MRPL3: variants seen among roughly 807,000 people sequenced by gnomAD.
MRPL3 encodes mitochondrial ribosomal protein L3.
Under a neutral mutation model 44.3 loss-of-function variants are expected in MRPL3, and 43 were observed. The observed-to-expected ratio is 0.97, with a 90% CI of 0.76 to 1.25. The LOEUF (loss-of-function observed/expected upper bound fraction) is 1.25. MRPL3 is among the 50% of genes most tolerant of loss of function. The probability of loss-of-function intolerance (pLI) is 0.00; values close to 1 mark genes in which losing one functional copy is unlikely to be tolerated. For synonymous variants in MRPL3, 171 were observed against 152.3 expected (o/e 1.12, Z -0.91); for missense variants, 406 against 427.6 (o/e 0.95, Z 0.45).
chr3:131,487,603 T>A, intron 6 of MRPL3, 77 bp downstream of exon 6: 2 of 1,097,278 alleles, frequency 1.8e-6, no homozygotes, highest in Non-Finnish European at 2.7e-6. Context: ...CTTGAAAGAC[T>A]GTACTTCTTT....
chr3:131,502,024 A>G (rs745853706), intron 1 of MRPL3: 13 of 923,112 alleles, frequency 1.4e-5, no homozygotes, highest in Non-Finnish European at 2.1e-5. Context: ...TTGGAAGTGT[A>G]CCTTAATAGT....
chr3:131,477,623 ATC>A (rs1559818803), intron 6 of MRPL3, among the ~76,000 whole-genome samples: 1 of 152,144 alleles, frequency 6.6e-6, no homozygotes, highest in African/African-American at 2.4e-5. Flanking sequence ...TATTTTTTTC[ATC>A]TGTTCCTCTC....
chr3:131,498,328 C>T, intron 3 of MRPL3, 51 bp from the exon 4 acceptor site: 1 of 1,187,120 alleles, frequency 8.4e-7, no homozygotes, highest in African/African-American at 1.5e-5. Flanking sequence ...TATATTTTAA[C>T]ATTACAAACC....
intron 9 of MRPL3, 63 bp from the exon 10 acceptor site, chr3:131,462,938 A>T: frequency 2.2e-6 from 3 of 1,376,466 alleles, no homozygotes; most frequent in Non-Finnish European, 3.0e-6. Flanking sequence ...CTTTTCAGCT[A>T]TTATTCATAA....
Position 131,502,874 on chromosome 3 carries a change from C to G in MRPL3, c.-53G>C. The G allele has an allele frequency of 6.5e-7, 1 of 1,546,408 alleles. No homozygotes were observed. The highest frequency in any genetic ancestry group is 8.9e-7 in the Non-Finnish European group (1 of 1,127,400). Reference sequence around the variant, plus strand: ...GACTTCCGGGCGCCCTGCCGCTCTGCTTTCAGGGAGTCCCCACGCCACCGC... The same window carrying G: ...GACTTCCGGGCGCCCTGCCGCTCTGGTTTCAGGGAGTCCCCACGCCACCGC... On this transcript the variant is annotated 5_prime_UTR_variant, in exon 1 of 10. Coordinates refer to ENST00000264995, the MANE Select transcript of MRPL3 (RefSeq NM_007208.4).
At chr3:131,485,292 ACT>A (rs1217357980) in intron 6 of MRPL3, among the ~76,000 whole-genome samples, 28 of 152,160 alleles carry the variant, frequency 1.8e-4, no homozygotes, top group Non-Finnish European at 3.5e-4. Flanking sequence ...GAAAAGCTAG[ACT>A]CTAATCCAAG....
intron 6 of MRPL3, among the ~76,000 whole-genome samples, chr3:131,483,541 CT>C (rs1176456105): frequency 5.9e-5 from 9 of 152,108 alleles, no homozygotes; most frequent in Admixed American, 5.2e-4. Flanking sequence ...ACCTCACACC[CT>C]AACGTGACAC....
At chr3:131,484,912 C>A (rs955525984) in intron 6 of MRPL3, among the ~76,000 whole-genome samples, 1 of 152,078 alleles carries the variant, frequency 6.6e-6, no homozygotes. Context: ...CACACACATG[C>A]GAGGAAAACC....
chr3:131,462,685 C>A lies in MRPL3; in HGVS notation c.*38G>T. On this transcript the variant is annotated 3_prime_UTR_variant, in exon 10 of 10. Coordinates refer to ENST00000264995, the MANE Select transcript of MRPL3 (RefSeq NM_007208.4). ...ATGATATCACTCTGGCTCATCGAAG[C>A]TCACAGAATATGTAAGGTTCTGCCA... 1 of 1,557,344 alleles carries A rather than the reference C, an allele frequency of 6.4e-7. No homozygotes were observed. Among genetic ancestry groups the A allele is most frequent in the South Asian group, 1.2e-5 (1 of 82,736 alleles).
intron 4 of MRPL3, among the ~76,000 whole-genome samples, chr3:131,495,449 C>G (rs1358696696): frequency 6.6e-6 from 1 of 152,068 alleles, no homozygotes; most frequent in Non-Finnish European, 1.5e-5. Flanking sequence ...AATTTTATAT[C>G]TTGAAGAAAG....
intron 7 of MRPL3, among the ~76,000 whole-genome samples, chr3:131,470,579 G>C (rs1056984434): frequency 6.6e-6 from 1 of 151,634 alleles, no homozygotes; most frequent in African/African-American, 2.4e-5. Context: ...AATATATTCC[G>C]TTATATATGA....
chr3:131,487,679 C>T lies in MRPL3; in HGVS notation c.629+1G>A, dbSNP rs780595770. On this transcript the variant is annotated splice_donor_variant, in intron 6 of 9. Coordinates refer to ENST00000264995, the MANE Select transcript of MRPL3 (RefSeq NM_007208.4). LOFTEE classifies it high-confidence loss of function. ...AAAGAGAACTCGCTATGAGGACCTA[C>T]GTTTTGGCTGTGACATCCACATACT... The T allele has an allele frequency of 7.5e-6, 12 of 1,609,864 alleles. No individual in the cohort carries two copies. The highest frequency in any genetic ancestry group is 3.3e-5 in the South Asian group (3 of 90,168).
chr3:131,463,984 T>C (rs1475105719), intron 9 of MRPL3, among the ~76,000 whole-genome samples: 2 of 152,064 alleles, frequency 1.3e-5, no homozygotes, highest in Non-Finnish European at 2.9e-5. Flanking sequence ...GAAAAACAGA[T>C]CTACTTTAAT....
At chr3:131,479,824 G>A (rs1159726907) in intron 6 of MRPL3, among the ~76,000 whole-genome samples, 1 of 152,182 alleles carries the variant, frequency 6.6e-6, no homozygotes, top group Non-Finnish European at 1.5e-5. Flanking sequence ...CAGCCTGGGC[G>A]AAAGAGCGAG....
At chr3:131,466,690 TG>T (rs67118415) in intron 9 of MRPL3, among the ~76,000 whole-genome samples, 86,958 of 131,572 alleles carry the variant, frequency 0.66, 28,651 homozygotes, top group African/African-American at 0.87. Flanking sequence ...GCATTTTTTT[TG>T]GGGGGGGGTG....
intron 4 of MRPL3, among the ~76,000 whole-genome samples, chr3:131,492,781 T>G (rs1457681754): frequency 6.6e-6 from 1 of 152,196 alleles, no homozygotes; most frequent in Admixed American, 6.5e-5. Context: ...TTGCTTTAGT[T>G]GCTGCTATAT....
chr3:131,501,769 C>T (rs1582723691), intron 1 of MRPL3, 54 bp from the exon 2 acceptor site: 1 of 1,592,446 alleles, frequency 6.3e-7, no homozygotes, highest in East Asian at 2.2e-5. Flanking sequence ...ACTTCCTCCA[C>T]TTAATATAGA....
intron 4 of MRPL3, among the ~76,000 whole-genome samples, chr3:131,495,678 TATTA>T (rs539911304): frequency 3.9e-5 from 6 of 152,304 alleles, no homozygotes; most frequent in South Asian, 4.1e-4. Flanking sequence ...CATTCTGTAA[TATTA>T]ATTATTAGTA....
intron 6 of MRPL3, among the ~76,000 whole-genome samples, chr3:131,477,621 T>G (rs1459980332): frequency 6.6e-6 from 1 of 152,228 alleles, no homozygotes; most frequent in Non-Finnish European, 1.5e-5. Flanking sequence ...TTTATTTTTT[T>G]CATCTGTTCC....
Sources: allele counts gnomAD v4.1 joint callset (sites outside exome capture counted in the v4.1 genomes callset), GRCh38; gene constraint gnomAD v4.1.1; transcripts MANE v1.5; gene names NCBI Gene and HGNC (gene_info 2026-07-23, HGNC 2026-07-21).